Variants in VPS13A observed in about 807,000 individuals in gnomAD.
VPS13A encodes the protein vacuolar protein sorting 13 homolog A, also known as intermembrane lipid transfer protein VPS13A.
VPS13A carries 264 observed loss-of-function variants against 390.9 expected under a neutral mutation model. The ratio of observed to expected loss-of-function variants is 0.68; its 90% CI spans 0.61 to 0.75. VPS13A has a LOEUF of 0.75. Among genes scored for constraint, VPS13A ranks in the 30% least tolerant of loss-of-function variants. The probability of loss-of-function intolerance (pLI) is 0.00; values close to 1 mark genes in which losing one functional copy is unlikely to be tolerated. For synonymous variants in VPS13A, 1,231 were observed against 1,227.1 expected, an observed-to-expected ratio of 1.00 and a Z score of -0.07; for missense variants, 3,409 against 3,733.9, an observed-to-expected ratio of 0.91 and a Z score of 2.27.
intron 22 of VPS13A, among the ~76,000 whole-genome samples, chr9:77,255,675 C>T (rs991910187): frequency 6.6e-6 from 1 of 152,014 alleles, no homozygotes; most frequent in Non-Finnish European, 1.5e-5. Flanking sequence ...TTTTTGATTA[C>T]TGATTCAGTC....
intron 35 of VPS13A, among the ~76,000 whole-genome samples, chr9:77,311,974 A>G (rs1224713306): frequency 6.6e-6 from 1 of 152,204 alleles, no homozygotes; most frequent in African/African-American, 2.4e-5. Flanking sequence ...TCATGAAAAT[A>G]AAATATATCA....
Position 77,360,579 on chromosome 9 carries a change from C to A in VPS13A, c.8149C>A (p.Leu2717Ile). The part of the protein sequence containing the change: ...LIQEMDLRLD[L>I]GFIYALTDLM... ...TCAAGAAATGGATCTCAGGTTAGAT[C>A]TTGGGTTTATCTATGCTTTAACAGA... The change falls in exon 59 of 72, where the codon CTT becomes ATT. Residue 2717 changes from leucine to isoleucine, a missense_variant. This residue lies in a region of VPS13A where 221 missense variants were observed against 300.7 expected (regional missense o/e 0.73). Coordinates refer to ENST00000360280, the MANE Select transcript of VPS13A (RefSeq NM_033305.3). The A allele has an allele frequency of 6.2e-7, 1 of 1,612,948 alleles. No individual in the cohort carries two copies. Among genetic ancestry groups the A allele is most frequent in the Non-Finnish European group, 8.5e-7 (1 of 1,179,392 alleles).
intron 52 of VPS13A, among the ~76,000 whole-genome samples, chr9:77,345,601 C>T (rs1230091739): frequency 6.6e-6 from 1 of 152,044 alleles, no homozygotes; most frequent in East Asian, 1.9e-4. Context: ...TAGGACTACT[C>T]TTCAACATTA....
chr9:77,267,196 T>C (rs1260329043), intron 23 of VPS13A, among the ~76,000 whole-genome samples: 1 of 152,146 alleles, frequency 6.6e-6, no homozygotes, highest in East Asian at 1.9e-4. Flanking sequence ...CATCCAGTTT[T>C]GTTCCCTTGC....
At chr9:77,349,475 G>T (rs1348028947) in intron 52 of VPS13A, among the ~76,000 whole-genome samples, 1 of 152,024 alleles carries the variant, frequency 6.6e-6, no homozygotes, top group African/African-American at 2.4e-5. Flanking sequence ...CCCCCAAATA[G>T]GTTCCCGATG....
Position 77,316,382 on chromosome 9 carries a change from C to G in VPS13A, c.4839C>G (p.Val1613=). The G allele has an allele frequency of 6.2e-7, 1 of 1,612,876 alleles. No individual in the cohort carries two copies. The highest frequency in any genetic ancestry group is 8.5e-7 in the Non-Finnish European group (1 of 1,179,170). The change falls in exon 39 of 72, where the codon GTC becomes GTG. Residue 1613 remains valine, a synonymous_variant. Transcript: ENST00000360280. ...TGAGAGCCTGCCCGTTTCTTCCAGT[C>G]AAGAGAAAAGGCAAAATCACTACTG... ...LQVRACPFLP[V]KRKGKITTVL... is the part of the protein sequence containing the mutation.
intron 69 of VPS13A, among the ~76,000 whole-genome samples, chr9:77,405,304 G>T (rs1183317804): frequency 6.6e-6 from 1 of 152,132 alleles, no homozygotes; most frequent in African/African-American, 2.4e-5. Context: ...TTTTTCTGAT[G>T]TAGTTGGGAA....
At chr9:77,387,370 G>A (rs1296161320) in intron 68 of VPS13A, among the ~76,000 whole-genome samples, 1 of 152,168 alleles carries the variant, frequency 6.6e-6, no homozygotes, top group Non-Finnish European at 1.5e-5. Context: ...TGAAAATTAT[G>A]TAATGCCACA....
chr9:77,295,826 G>C lies in VPS13A; in HGVS notation c.3792G>C (p.Leu1264=). The change falls in exon 33 of 72, where the codon CTG becomes CTC. Residue 1264 remains leucine (L), a synonymous_variant. Coordinates refer to ENST00000360280, the MANE Select transcript of VPS13A (RefSeq NM_033305.3). ...TTATTGATTTGATAACAATAAAGCTGAGTGAAATGCGACTATACAGGTAAG... is the reference window on the plus strand; with the variant it reads ...TTATTGATTTGATAACAATAAAGCTCAGTGAAATGCGACTATACAGGTAAG... ...PPVIDLITIK[L]SEMRLYRSRF... The C allele has an allele frequency of 6.2e-7, 1 of 1,613,822 alleles. No homozygotes were observed. Among genetic ancestry groups the C allele is most frequent in the Non-Finnish European group, 8.5e-7 (1 of 1,179,910 alleles).
At chr9:77,192,213 T>G (rs1023229655) in intron 1 of VPS13A, among the ~76,000 whole-genome samples, 2 of 152,186 alleles carry the variant, frequency 1.3e-5, no homozygotes, top group African/African-American at 4.8e-5. Flanking sequence ...CTCCATTCCT[T>G]TACTTTGAGC....
chr9:77,349,835 G>A (rs1296941268), intron 52 of VPS13A, among the ~76,000 whole-genome samples: 1 of 151,858 alleles, frequency 6.6e-6, no homozygotes, highest in Non-Finnish European at 1.5e-5. Flanking sequence ...GTAGAGACAG[G>A]GTTTCACCAT....
rs754716705 is a variant in VPS13A, at chr9:77,213,319, G to A, written c.696+5G>A. The A allele has an allele frequency of 6.2e-7, 1 of 1,610,028 alleles. No homozygotes were observed. The highest frequency in any genetic ancestry group is 8.5e-7 in the Non-Finnish European group (1 of 1,176,750). On this transcript the variant is annotated splice_donor_5th_base_variant and intron_variant, in intron 9 of 71. Transcript: ENST00000360280. ...AGTGATTATGATAACTCCTTGGTAA[G>A]TAAATTTTTTCTGTATGTATTTGTT...
chr9:77,219,472 CCAGAGCAAACTTT>C (rs1490905909), intron 10 of VPS13A, among the ~76,000 whole-genome samples: 2 of 152,022 alleles, frequency 1.3e-5, no homozygotes, highest in Non-Finnish European at 2.9e-5. Context: ...AGCAGGTAAT[CCAGAGCAAACTTT>C]CACTCTTCAT....
Position 77,416,892 on chromosome 9 carries a change from A to G in VPS13A, c.*886A>G, listed in dbSNP as rs1835186106. On this transcript the variant is annotated 3_prime_UTR_variant, in exon 72 of 72. Transcript: ENST00000360280. ...TTAGATAGTGTATTATGCTTCCAAC[A>G]GACAGTCCCTCTCATATAAAGTTTA... 6.6e-6 allele frequency: 1 copy of G among 152,614 alleles called. No individual in the cohort carries two copies. Among genetic ancestry groups the G allele is most frequent in the South Asian group, 2.1e-4 (1 of 4,830 alleles). 9.5% of individuals were successfully genotyped at this position (152,614 alleles called of 1,614,324 possible).
chr9:77,286,841 GA>G (rs1443374387), intron 31 of VPS13A, among the ~76,000 whole-genome samples: 1 of 152,114 alleles, frequency 6.6e-6, no homozygotes, highest in Non-Finnish European at 1.5e-5. Context: ...CTACATTCCA[GA>G]AGCCAATTGG....
At chr9:77,274,796 A>C (rs999056537) in intron 24 of VPS13A, among the ~76,000 whole-genome samples, 3 of 152,058 alleles carry the variant, frequency 2.0e-5, no homozygotes, top group African/African-American at 7.2e-5. Context: ...ATTTTTCTTT[A>C]TTTATAGTCA....
intron 68 of VPS13A, among the ~76,000 whole-genome samples, chr9:77,400,636 A>G (rs1201553958): frequency 6.6e-6 from 1 of 151,754 alleles, no homozygotes; most frequent in Admixed American, 6.6e-5. Flanking sequence ...GATCCTGGCT[A>G]ACATGGTGAA....
At chr9:77,247,522 T>G in intron 20 of VPS13A, 127 bp downstream of exon 20, 1 of 1,040,918 alleles carries the variant, frequency 9.6e-7, no homozygotes, top group Non-Finnish European at 1.4e-6. Flanking sequence ...ATAAGTAAGA[T>G]TTGAGAAATC....
chr9:77,382,038 T>C lies in VPS13A; in HGVS notation c.9140T>C (p.Val3047Ala), dbSNP rs1260949447. 3 of 1,608,690 alleles carry C rather than the reference T, an allele frequency of 1.9e-6. No individual in the cohort carries two copies. In the African/African-American group the frequency reaches 4.0e-5, roughly 21 times the overall value. The stretch of plus-strand genomic sequence containing the variant: ...CCTCGGTTCTTCAATGAAGATGGAG[T>C]TATCAGACCGTACAGGTTGAGGGAT... ...RPPRFFNEDG[V>A]IRPYRLRDGT... The change falls in exon 68 of 72, where the codon GTT becomes GCT. Residue 3047 changes from valine to alanine, a missense_variant. Val to Ala is a moderately conservative substitution (Grantham distance 64). Around this residue, in one of 5 missense-constraint regions of VPS13A, gnomAD observed 318 missense variants for 333.7 expected, o/e 0.95. Transcript: ENST00000360280.
Sources: gnomAD v4.1 joint callset for allele counts (sites outside exome capture counted in the v4.1 genomes callset) on GRCh38, gnomAD v4.1.1 for gene constraint, gnomAD v4.1.1 regional missense constraint, MANE v1.5 for transcripts, NCBI Gene and HGNC (gene_info 2026-07-23, HGNC 2026-07-21) for gene names.